Variants in MYH10 observed in about 807,000 individuals in gnomAD.
MYH10 encodes the protein myosin heavy chain 10, also known as myosin-10.
Under a neutral mutation model 257.8 loss-of-function variants are expected in MYH10, and 55 were observed. The ratio of observed to expected loss-of-function variants is 0.21; its 90% CI spans 0.17 to 0.27. The LOEUF is 0.27. Ranked by LOEUF, MYH10 falls within the 10% of genes least tolerant of loss-of-function variation. The pLI, the probability that MYH10 is intolerant of heterozygous loss-of-function variation, is 1.00. For synonymous variants in MYH10, 854 were observed against 921.7 expected, an observed-to-expected ratio of 0.93 and a Z score of 1.33; for missense variants, 1,631 against 2,500.6, an observed-to-expected ratio of 0.65 and a Z score of 7.42.
chr17:8,522,737 A>G (rs1167434718), intron 17 of MYH10, among the ~76,000 whole-genome samples: 1 of 152,034 alleles, frequency 6.6e-6, no homozygotes, highest in Admixed American at 6.5e-5. Context: ...CTCTCCCACT[A>G]ACTTCCCAGT....
chr17:8,499,437 T>C lies in MYH10; in HGVS notation c.3784A>G (p.Thr1262Ala), dbSNP rs141842778. Residue 1262 changes from threonine (T) to alanine (A), a missense_variant, in exon 30 of 43, where the codon ACA becomes GCA. This residue lies in a region of MYH10 where 463 missense variants were observed against 621.8 expected (regional missense o/e 0.74). Coordinates refer to ENST00000360416, the MANE Select transcript of MYH10 (RefSeq NM_001256012.3). ...TCACACGCCAGCTCCTTGTTATCTG[T>C]CTCCAGGCCCTGCTTGTTCTTCTCT... ...NLEKNKQGLE[T>A]DNKELACEVK... 1.8e-3 allele frequency: 2,907 copies of C among 1,614,114 alleles called. 6 individuals are homozygous for C. The highest frequency in any genetic ancestry group is 2.3e-3 in the Non-Finnish European group (2,737 of 1,180,034).
chr17:8,605,008 T>TA (rs753429145), intron 2 of MYH10, 26 bp from the exon 3 acceptor site: 10,555 of 1,163,376 alleles, frequency 9.1e-3, no homozygotes, highest in South Asian at 0.012. Flanking sequence ...AATAGAGTAT[T>TA]AAAAAAAAAA....
intron 17 of MYH10, among the ~76,000 whole-genome samples, chr17:8,526,545 A>G (rs1447504718): frequency 6.6e-6 from 1 of 152,220 alleles, no homozygotes; most frequent in Non-Finnish European, 1.5e-5. Context: ...TCTAACACCT[A>G]ATTTACTAAT....
chr17:8,592,933 C>CCATTTATATATATATATA (rs1555612260), intron 3 of MYH10, among the ~76,000 whole-genome samples: 3 of 44,712 alleles, frequency 6.7e-5, no homozygotes, highest in South Asian at 1.2e-3. Context: ...TCAAATCCAG[C>CCATTTATATATATATATA]TATATATATA....
intron 40 of MYH10, among the ~76,000 whole-genome samples, chr17:8,479,520 G>A (rs1004132892): frequency 6.6e-5 from 10 of 152,278 alleles, no homozygotes; most frequent in Middle Eastern, 3.4e-3. Flanking sequence ...GTCCTGGCAC[G>A]AGAGGCTGGG....
chr17:8,553,791 G>T (rs1413135650), intron 8 of MYH10, 164 bp downstream of exon 8: 3 of 568,184 alleles, frequency 5.3e-6, no homozygotes, highest in Non-Finnish European at 9.6e-6. Context: ...AAACAACTTG[G>T]AGTTAATATT....
At chr17:8,612,853 T>C (rs935704294) in intron 2 of MYH10, among the ~76,000 whole-genome samples, 6 of 143,988 alleles carry the variant, frequency 4.2e-5, no homozygotes, top group African/African-American at 1.6e-4. Flanking sequence ...CTGTTCTGTC[T>C]CAAAAAAAAA....
intron 26 of MYH10, among the ~76,000 whole-genome samples, chr17:8,507,116 G>A (rs1367130817): frequency 6.6e-6 from 1 of 152,232 alleles, no homozygotes; most frequent in Non-Finnish European, 1.5e-5. Flanking sequence ...GGATGAGACC[G>A]AGTGTCACAG....
chr17:8,480,016 G>T lies in MYH10; in HGVS notation c.5597+94C>A, dbSNP rs548715820. On this transcript the variant is annotated intron_variant, in intron 40 of 42. Transcript: ENST00000360416. ...CTGGTTATATGTGTTCTCTGCCCAC[G>T]TGGTGGGGAGCCCCCCCGAAAGGGG... is the stretch of plus-strand genomic sequence containing the variant. 10 of 1,233,056 alleles carry T rather than the reference G, an allele frequency of 8.1e-6. No homozygotes were observed. In the South Asian group the frequency reaches 1.1e-4, roughly 13 times the overall value. The allele number at this position is 1,233,056 out of a possible 1,614,324, so 76.4% of individuals were successfully genotyped here.
At chr17:8,568,197 G>A (rs940727562) in intron 7 of MYH10, among the ~76,000 whole-genome samples, 1 of 152,120 alleles carries the variant, frequency 6.6e-6, no homozygotes, top group Non-Finnish European at 1.5e-5. Flanking sequence ...AGCCGAACTT[G>A]GGTTCAGTTA....
chr17:8,574,838 C>T (rs1169840676), intron 6 of MYH10, among the ~76,000 whole-genome samples: 1 of 152,190 alleles, frequency 6.6e-6, no homozygotes, highest in Non-Finnish European at 1.5e-5. Context: ...GTGAAGAAGT[C>T]GCAGACAGGG....
At chr17:8,627,560 G>A (rs556612070) in intron 1 of MYH10, among the ~76,000 whole-genome samples, 1 of 152,152 alleles carries the variant, frequency 6.6e-6, no homozygotes, top group East Asian at 1.9e-4. Flanking sequence ...TCATATTATT[G>A]TTTACCTGAT....
At position 8,481,520 on chromosome 17, in the gene MYH10, A is replaced by G. The variant is rs1030642223; in HGVS notation, c.5176-110T>C. Reference sequence around the variant, plus strand: ...CTTGCTCCTGTCACTGTTTACCTGCACCTCAAGCTGTCATTTAGATTTGAG... The same window carrying G: ...CTTGCTCCTGTCACTGTTTACCTGCGCCTCAAGCTGTCATTTAGATTTGAG... On this transcript the variant is annotated intron_variant, in intron 37 of 42. Coordinates refer to ENST00000360416, the MANE Select transcript of MYH10 (RefSeq NM_001256012.3). The G allele has an allele frequency of 5.7e-6, 5 of 875,768 alleles. No individual in the cohort carries two copies. In the Admixed American group the frequency reaches 7.4e-5, roughly 13 times the overall value. The allele number at this position is 875,768 out of a possible 1,614,324, so 54.2% of individuals were successfully genotyped here.
intron 1 of MYH10, among the ~76,000 whole-genome samples, chr17:8,624,494 A>G (rs1403742909): frequency 6.6e-6 from 1 of 152,202 alleles, no homozygotes; most frequent in African/African-American, 2.4e-5. Flanking sequence ...CTCTTGCTCT[A>G]TCAAATCCCC....
At position 8,604,998 on chromosome 17, in the gene MYH10, AAT is replaced by A. The variant is rs1279524988; in HGVS notation, c.346-18_346-17del. 2.2e-6 allele frequency: 3 copies of A among 1,370,962 alleles called. No homozygotes were observed. The highest frequency in any genetic ancestry group is 2.0e-6 in the Non-Finnish European group (2 of 1,016,176). The allele number at this position is 1,370,962 out of a possible 1,614,324, so 84.9% of individuals were successfully genotyped here. On this transcript the variant is annotated splice_polypyrimidine_tract_variant and intron_variant, in intron 2 of 42. Transcript: ENST00000360416. ...CAGAATAAGTCTAGAATAAAAATAA[AAT>A]AGAGTATTAAAAAAAAAACCTCTGC...
At chr17:8,577,863 G>A (rs960852947) in intron 4 of MYH10, among the ~76,000 whole-genome samples, 1 of 152,166 alleles carries the variant, frequency 6.6e-6, no homozygotes, top group Non-Finnish European at 1.5e-5. Context: ...ATGCCAGTAA[G>A]AGGACACAGG....
In MYH10 at chr17:8,480,386, C is replaced by T. The variant is rs1913509476; in HGVS notation, c.5388+16G>A. Reference sequence around the variant, plus strand: ...GGCACAGCCCTCCCTGGGTGACGGGCTCCTGCATGGGCCACCTGTAGAGTG... The same window carrying T: ...GGCACAGCCCTCCCTGGGTGACGGGTTCCTGCATGGGCCACCTGTAGAGTG... On this transcript the variant is annotated intron_variant, in intron 39 of 42. Coordinates refer to ENST00000360416, the MANE Select transcript of MYH10 (RefSeq NM_001256012.3). 1 of 1,613,076 alleles carries T rather than the reference C, an allele frequency of 6.2e-7. No individual in the cohort carries two copies.
Position 8,552,386 on chromosome 17 carries a change from T to C in MYH10, c.821-242A>G, listed in dbSNP as rs1268772895. Among the ~76,000 whole-genome samples the C allele has an allele frequency of 1.3e-5, 2 of 152,198 alleles. No individual in the cohort carries two copies. The highest frequency in any genetic ancestry group is 2.9e-5 in the Non-Finnish European group (2 of 68,028). The stretch of plus-strand genomic sequence containing the variant: ...GGTCTGGGAAGGAACTTAAAGATTA[T>C]ACGTGCTTCCCTCACTCAGCTCCAC... On this transcript the variant is annotated intron_variant, in intron 8 of 42. Transcript: ENST00000360416. The surrounding 1 kb of genome is among the most constrained non-coding windows in gnomAD (Gnocchi z 4.8).
intron 6 of MYH10, among the ~76,000 whole-genome samples, chr17:8,574,912 C>T (rs774951586): frequency 3.3e-5 from 5 of 152,172 alleles, no homozygotes; most frequent in African/African-American, 4.8e-5. Flanking sequence ...CCATTCCGTA[C>T]GGTGCTGTTA....
Sources: gnomAD v4.1 joint callset for allele counts (sites outside exome capture counted in the v4.1 genomes callset) on GRCh38, gnomAD v4.1.1 for gene constraint, gnomAD v4.1.1 regional missense constraint, Gnocchi (gnomAD v3.1) non-coding constraint, MANE v1.5 for transcripts, NCBI Gene and HGNC (gene_info 2026-07-23, HGNC 2026-07-21) for gene names.